Variants in TSEN15 observed in about 807,000 individuals in gnomAD.
The protein encoded by TSEN15 is tRNA splicing endonuclease subunit 15, also known as tRNA-splicing endonuclease subunit Sen15.
Under a neutral mutation model 20.5 loss-of-function variants are expected in TSEN15, and 10 were observed. That is an observed-to-expected ratio of 0.49 (90% CI 0.30 to 0.83). The LOEUF (loss-of-function observed/expected upper bound fraction) is 0.83, where lower values mean the gene tolerates loss of function less well. Ranked by LOEUF, TSEN15 falls within the 40% of genes least tolerant of loss-of-function variation. TSEN15 has a pLI of 0.06. For missense variants in TSEN15, 180 were observed against 218.6 expected (o/e 0.82, Z 1.11); for synonymous variants, 72 against 80.1 (o/e 0.90, Z 0.54).
intron 3 of TSEN15, among the ~76,000 whole-genome samples, chr1:184,070,258 C>T (rs879561607): frequency 6.6e-6 from 1 of 151,982 alleles, no homozygotes; most frequent in Non-Finnish European, 1.5e-5. Context: ...CACACACATA[C>T]AAACACACCT....
chr1:184,071,934 C>A, intron 3 of TSEN15: 1 of 433,378 alleles, frequency 2.3e-6, no homozygotes, highest in Non-Finnish European at 4.0e-6. Context: ...ATTTCTATAC[C>A]ATTCTCTTTC....
chr1:184,057,911 C>G (rs1469985192), intron 3 of TSEN15, among the ~76,000 whole-genome samples: 2 of 152,068 alleles, frequency 1.3e-5, no homozygotes, highest in Non-Finnish European at 1.5e-5. Flanking sequence ...CCAAGCCATC[C>G]TATATCCAAG....
downstream of TSEN15, among the ~76,000 whole-genome samples, chr1:184,077,790 G>A (rs928223900): frequency 2.6e-5 from 4 of 152,192 alleles, no homozygotes; most frequent in African/African-American, 9.6e-5. Flanking sequence ...AATTGGAAGT[G>A]AAGCTTGAAG....
At chr1:184,070,405 T>C (rs1650839201) in intron 3 of TSEN15, among the ~76,000 whole-genome samples, 1 of 152,072 alleles carries the variant, frequency 6.6e-6, no homozygotes, top group South Asian at 2.1e-4. Flanking sequence ...TCTTGTGGCA[T>C]TGAAGTGGCT....
At position 184,086,583 on chromosome 1, in the gene TSEN15, T is replaced by TG. The variant is rs1293485878; in HGVS notation, c.354-9105dup. Among the ~76,000 whole-genome samples the TG allele has an allele frequency of 4.6e-5, 7 of 152,302 alleles. No homozygotes were observed. In the South Asian group the frequency reaches 1.5e-3, roughly 32 times the overall value. Reference sequence around the variant, plus strand: ...CATTATCTGAAGGCTTGACTGGGGCTGGAGGATCCACTTCCAAGATAGCTC... The same window carrying TG: ...CATTATCTGAAGGCTTGACTGGGGCTGGGAGGATCCACTTCCAAGATAGCTC... On this transcript the variant is annotated intron_variant, in intron 3 of 3. Coordinates refer to the TSEN15 transcript ENST00000643231.
chr1:184,078,208 G>GAAAA (rs1651100938), downstream of TSEN15, among the ~76,000 whole-genome samples: 1 of 152,140 alleles, frequency 6.6e-6, no homozygotes, highest in African/African-American at 2.4e-5. Flanking sequence ...CCAGCAAAAA[G>GAAAA]ATTATTACTT....
At position 184,054,435 on chromosome 1, in the gene TSEN15, A is replaced by T; in HGVS notation, c.217A>T (p.Ser73Cys). Residue 73 changes from serine (S) to cysteine (C), a missense_variant and splice_region_variant, in exon 2 of 5, where the codon AGC becomes TGC. Around this residue, in one of 3 missense-constraint regions of TSEN15, gnomAD observed 76 missense variants for 123.4 expected, o/e 0.62. Transcript: ENST00000645668. ...CTTGGTTTACCTGGACCTCATGGAA[A>T]GTAAGTTGTTTGTTTATATTGTTTT... ...AFLVYLDLME[S>C]KSWHEVNCVG... 1 of 1,607,056 alleles carries T rather than the reference A, an allele frequency of 6.2e-7. No homozygotes were observed. Among genetic ancestry groups the T allele is most frequent in the Non-Finnish European group, 8.5e-7 (1 of 1,173,976 alleles).
chr1:184,069,610 T>C (rs908596937), intron 3 of TSEN15, among the ~76,000 whole-genome samples: 1 of 152,098 alleles, frequency 6.6e-6, no homozygotes, highest in Non-Finnish European at 1.5e-5. Context: ...TACAATCATA[T>C]GTGGTTTTTT....
intron 3 of TSEN15, chr1:184,094,237 T>A (rs1239624679): frequency 6.6e-6 from 1 of 152,258 alleles, no homozygotes; most frequent in Non-Finnish European, 1.5e-5. Context: ...TCATATGTGA[T>A]ATGGTCAGAA....
At chr1:184,063,029 C>T (rs1156534661) in intron 3 of TSEN15, among the ~76,000 whole-genome samples, 2 of 152,046 alleles carry the variant, frequency 1.3e-5, no homozygotes, top group East Asian at 3.8e-4. Flanking sequence ...ATCATTCATC[C>T]TTTCAAACCT....
Position 184,058,291 on chromosome 1 carries a change from TTA to T in TSEN15, c.353+3430_353+3431del, listed in dbSNP as rs756387310. The T allele has an allele frequency of 1.6e-5, 5 of 322,486 alleles. No homozygotes were observed. The Admixed American group carries it at 2.2e-4, about 14-fold the overall frequency. The allele number at this position is 322,486 out of a possible 1,614,324, so 20.0% of individuals were successfully genotyped here. A position where few individuals can be genotyped will look rare whatever the true frequency, so the allele number is the denominator to read the frequency against. ...TTAATAACTGAGAGAGCTTAAATCT[TTA>T]TGTCTTGTTTTTATATAAATATTCT... On this transcript the variant is annotated intron_variant, in intron 3 of 4. Transcript: ENST00000645668.
At chr1:184,066,639 C>T (rs1461622317) in intron 3 of TSEN15, among the ~76,000 whole-genome samples, 2 of 152,174 alleles carry the variant, frequency 1.3e-5, no homozygotes, top group Non-Finnish European at 1.5e-5. Flanking sequence ...CTCCTAACCT[C>T]AAGTGATCCG....
At chr1:184,052,310 A>G (rs1650085441) in intron 1 of TSEN15, among the ~76,000 whole-genome samples, 1 of 152,230 alleles carries the variant, frequency 6.6e-6, no homozygotes, top group African/African-American at 2.4e-5. Flanking sequence ...TCACGTTTAC[A>G]CTTAGCCTTG....
At chr1:184,082,020 T>G (rs1651178983) in intron 3 of TSEN15, among the ~76,000 whole-genome samples, 1 of 152,190 alleles carries the variant, frequency 6.6e-6, no homozygotes, top group Non-Finnish European at 1.5e-5. Flanking sequence ...AGAATATTTC[T>G]GAAGGAAGCT....
At chr1:184,058,508 G>A (rs1193825276) in intron 3 of TSEN15, among the ~76,000 whole-genome samples, 1 of 151,922 alleles carries the variant, frequency 6.6e-6, no homozygotes, top group African/African-American at 2.4e-5. Context: ...CTTTAACAGG[G>A]CAGTCTTTTA....
intron 3 of TSEN15, among the ~76,000 whole-genome samples, chr1:184,056,476 A>G (rs565711899): frequency 2.0e-5 from 3 of 152,010 alleles, no homozygotes; most frequent in Non-Finnish European, 4.4e-5. Context: ...TGTGTTTTCC[A>G]GTTTTTAAGT....
intron 3 of TSEN15, among the ~76,000 whole-genome samples, chr1:184,082,440 G>A (rs1456639231): frequency 1.3e-5 from 2 of 152,138 alleles, no homozygotes; most frequent in South Asian, 2.1e-4. Flanking sequence ...GCATGTTGAA[G>A]AAAGATCCTA....
intron 1 of TSEN15, among the ~76,000 whole-genome samples, 160 bp downstream of exon 1, chr1:184,052,050 T>G (rs1313646193): frequency 6.6e-6 from 1 of 152,138 alleles, no homozygotes; most frequent in Non-Finnish European, 1.5e-5. Flanking sequence ...TCAGGCAGCA[T>G]CGGTTTTGTT....
At chr1:184,051,960 CTCTTTCTT>C in intron 1 of TSEN15, 70 bp downstream of exon 1, 1 of 1,330,064 alleles carries the variant, frequency 7.5e-7, no homozygotes. Flanking sequence ...CCAGGCAGCT[CTCTTTCTT>C]TCTTCCTCAG....
Sources: allele counts gnomAD v4.1 joint callset (sites outside exome capture counted in the v4.1 genomes callset), GRCh38; gene constraint gnomAD v4.1.1; regional missense constraint gnomAD v4.1.1; transcripts MANE v1.5; gene names NCBI Gene and HGNC (gene_info 2026-07-23, HGNC 2026-07-21).